RBM7: variants seen among roughly 807,000 people sequenced by gnomAD.
The protein encoded by RBM7 is RNA binding motif protein 7, also known as RNA-binding protein 7.
In RBM7, 13 loss-of-function variants were observed where a neutral mutation model predicts 31.0. The ratio of observed to expected loss-of-function variants is 0.42; its 90% CI spans 0.27 to 0.67. RBM7 has a LOEUF of 0.67. Ranked by LOEUF, RBM7 falls within the 30% of genes least tolerant of loss-of-function variation. RBM7 has a pLI of 0.24. For synonymous variants in RBM7, 106 were observed against 111.2 expected (o/e 0.95, Z 0.30); for missense variants, 245 against 326.2 (o/e 0.75, Z 1.92).
chr11:114,401,306 C>T (rs1946196971), intron 1 of RBM7, among the ~76,000 whole-genome samples: 1 of 152,128 alleles, frequency 6.6e-6, no homozygotes, highest in East Asian at 1.9e-4. Flanking sequence ...TTCCCCCCAT[C>T]CCTATCCCCT....
Position 114,408,448 on chromosome 11 carries a change from T to C in RBM7, c.*641T>C, listed in dbSNP as rs1202462881. The C allele has an allele frequency of 6.5e-6, 1 of 152,752 alleles. No individual in the cohort carries two copies. The highest frequency in any genetic ancestry group is 1.9e-4 in the East Asian group (1 of 5,336). The allele number at this position is 152,752 out of a possible 1,614,324, so 9.5% of individuals were successfully genotyped here. ...TTGAGGTATAAGTCACTCAGGAAGT[T>C]AAAATATCTCTACACGTATATTTTT... is the stretch of plus-strand genomic sequence containing the variant. On this transcript the variant is annotated 3_prime_UTR_variant, in exon 5 of 5. Coordinates refer to ENST00000375490, the MANE Select transcript of RBM7 (RefSeq NM_001286045.2).
At chr11:114,405,644 T>C in intron 3 of RBM7, 62 bp from the exon 4 acceptor site, 2 of 1,187,460 alleles carry the variant, frequency 1.7e-6, no homozygotes, top group Non-Finnish European at 2.4e-6. Context: ...TGTGTTCTGC[T>C]CATGGTTGTT....
intron 2 of RBM7, among the ~76,000 whole-genome samples, chr11:114,402,625 G>A (rs928226255): frequency 6.6e-6 from 1 of 151,704 alleles, no homozygotes; most frequent in African/African-American, 2.4e-5. Flanking sequence ...GGCTGGTCTC[G>A]AACTCCTGGC....
At chr11:114,401,952 C>G in intron 2 of RBM7, 92 bp downstream of exon 2, 1 of 1,332,918 alleles carries the variant, frequency 7.5e-7, no homozygotes, top group South Asian at 1.5e-5. Context: ...GTAGATGAAA[C>G]TTCTTTCTTA....
rs71063570 is a variant in RBM7, at chr11:114,402,382, C to CTTTTTTTTTTTTT, written c.260-419_260-407dup. ...AAGCGGTCTACAGCAGCTTGAGATT[C>CTTTTTTTTTTTTT]TTTTTTTTTTTTTTTTTTTTTTTTT... On this transcript the variant is annotated intron_variant, in intron 2 of 4. Coordinates refer to ENST00000375490, the MANE Select transcript of RBM7 (RefSeq NM_001286045.2). Among the ~76,000 whole-genome samples, 3 of 50,162 alleles carry CTTTTTTTTTTTTT rather than the reference C, an allele frequency of 6.0e-5. 1 individual carries two copies. Among genetic ancestry groups the CTTTTTTTTTTTTT allele is most frequent in the Admixed American group, 3.0e-4 (1 of 3,288 alleles). The allele number at this position is 50,162 out of a possible 152,430, so 32.9% of individuals were successfully genotyped here.
intron 3 of RBM7, among the ~76,000 whole-genome samples, chr11:114,404,818 C>A (rs967500451): frequency 7.9e-5 from 12 of 152,080 alleles, no homozygotes; most frequent in Admixed American, 7.9e-4. Flanking sequence ...TTTGAAAAAA[C>A]GCAAAATTAA....
intron 3 of RBM7, among the ~76,000 whole-genome samples, chr11:114,405,038 C>T (rs1852896286): frequency 6.6e-6 from 1 of 151,990 alleles, no homozygotes; most frequent in Non-Finnish European, 1.5e-5. Flanking sequence ...TCTTTTTTGT[C>T]TCGGGAAATA....
rs752075123 is a variant in RBM7 at position 114,401,678 on chromosome 11, A to T, written c.97-20A>T. 65 of 1,477,648 alleles carry T rather than the reference A, an allele frequency of 4.4e-5. No individual in the cohort carries two copies. The highest frequency in any genetic ancestry group is 5.8e-5 in the Non-Finnish European group (65 of 1,114,672). 91.5% of individuals were successfully genotyped at this position (1,477,648 alleles called of 1,614,324 possible). On this transcript the variant is annotated intron_variant, in intron 1 of 4. Transcript: ENST00000375490. ...CCCTTAGTTGCTTTATTTAAATTCT[A>T]AACACCTTTTTGTTTGTAGGCTGGG...
chr11:114,405,046 A>G (rs1265331127), intron 3 of RBM7, among the ~76,000 whole-genome samples: 4 of 152,162 alleles, frequency 2.6e-5, no homozygotes, highest in Non-Finnish European at 5.9e-5. Flanking sequence ...GTCTCGGGAA[A>G]TATCTACCTA....
Position 114,409,331 on chromosome 11 carries a change from A to G in RBM7, c.*1524A>G, listed in dbSNP as rs1340483399. 1 of 152,040 alleles carries G rather than the reference A, an allele frequency of 6.6e-6. No homozygotes were observed. The highest frequency in any genetic ancestry group is 2.4e-5 in the African/African-American group (1 of 41,412). 9.4% of individuals were successfully genotyped at this position (152,040 alleles called of 1,614,324 possible). A position where few individuals can be genotyped will look rare whatever the true frequency, so the allele number is the denominator to read the frequency against. ...TATCTTATCCATATGAAAACTTAGT[A>G]GGTTTGTAGATGTTAACGAAGATTA... On this transcript the variant is annotated 3_prime_UTR_variant, in exon 5 of 5. Coordinates refer to ENST00000375490, the MANE Select transcript of RBM7 (RefSeq NM_001286045.2).
rs1946205479 is a variant in RBM7, at chr11:114,401,782, G to A, written c.181G>A (p.Val61Met). 1 of 1,587,740 alleles carries A rather than the reference G, an allele frequency of 6.3e-7. No homozygotes were observed. Among genetic ancestry groups the A allele is most frequent in the Non-Finnish European group, 8.5e-7 (1 of 1,170,732 alleles). Residue 61 changes from valine (V) to methionine (M), a missense_variant, in exon 2 of 5, where the codon GTG becomes ATG. Coordinates refer to ENST00000375490, the MANE Select transcript of RBM7 (RefSeq NM_001286045.2). ...QFAFVNFKHE[V>M]SVPYAMNLLN... is the part of the protein sequence containing the mutation. ...TGCGTTTGTGAATTTCAAACATGAAGTGTCTGTTCCTTATGCAATGAATCT... is the reference window on the plus strand; with the variant it reads ...TGCGTTTGTGAATTTCAAACATGAAATGTCTGTTCCTTATGCAATGAATCT...
chr11:114,400,907 C>T, intron 1 of RBM7, 140 bp downstream of exon 1: 2 of 880,628 alleles, frequency 2.3e-6, no homozygotes, highest in East Asian at 2.7e-5. Context: ...GTCTGGGTTG[C>T]GAAACGCTCG....
In RBM7 at chr11:114,408,732, A is replaced by G. The variant is rs1946300881; in HGVS notation, c.*925A>G. ...TTGTTTGAACCTTTGAAAGAGTTTAATCTTAACGTTTTCTAATTTTAAAAT... is the reference window on the plus strand; with the variant it reads ...TTGTTTGAACCTTTGAAAGAGTTTAGTCTTAACGTTTTCTAATTTTAAAAT... On this transcript the variant is annotated 3_prime_UTR_variant, in exon 5 of 5. Coordinates refer to ENST00000375490, the MANE Select transcript of RBM7 (RefSeq NM_001286045.2). 1 of 152,216 alleles carries G rather than the reference A, an allele frequency of 6.6e-6. No individual in the cohort carries two copies. Among genetic ancestry groups the G allele is most frequent in the African/African-American group, 2.4e-5 (1 of 41,448 alleles). 9.4% of individuals were successfully genotyped at this position (152,216 alleles called of 1,614,324 possible).
rs772446767 is a variant in RBM7 at position 114,402,935 on chromosome 11, G to A, written c.347+20G>A. On this transcript the variant is annotated intron_variant, in intron 3 of 4. Coordinates refer to ENST00000375490, the MANE Select transcript of RBM7 (RefSeq NM_001286045.2). ...TAGCAGGTAATATTTCTCACTTATT[G>A]TTAAGATCATTTATCAGGAATTCTT... 6.4e-7 allele frequency: 1 copy of A among 1,564,396 alleles called. No individual in the cohort carries two copies. Among genetic ancestry groups the A allele is most frequent in the Non-Finnish European group, 8.8e-7 (1 of 1,135,094 alleles).
chr11:114,408,099 A>G lies in RBM7; in HGVS notation c.*292A>G, dbSNP rs1946291172. 1 of 192,130 alleles carries G rather than the reference A, an allele frequency of 5.2e-6. No homozygotes were observed. The highest frequency in any genetic ancestry group is 1.9e-4 in the South Asian group (1 of 5,400). 11.9% of individuals were successfully genotyped at this position (192,130 alleles called of 1,614,324 possible). ...GGGGTGAAGTTGTATGATAAAGCAGATATTTTAATTATTTGTTATCTTTTT... is the reference window on the plus strand; with the variant it reads ...GGGGTGAAGTTGTATGATAAAGCAGGTATTTTAATTATTTGTTATCTTTTT... On this transcript the variant is annotated 3_prime_UTR_variant, in exon 5 of 5. Coordinates refer to ENST00000375490, the MANE Select transcript of RBM7 (RefSeq NM_001286045.2).
At position 114,404,715 on chromosome 11, in the gene RBM7, C is replaced by T. The variant is rs143766467; in HGVS notation, c.348-991C>T. Among the ~76,000 whole-genome samples, 343 of 150,914 alleles carry T rather than the reference C, an allele frequency of 2.3e-3. 1 individual carries two copies. The highest frequency in any genetic ancestry group is 7.8e-3 in the African/African-American group (321 of 41,050). On this transcript the variant is annotated intron_variant, in intron 3 of 4. Transcript: ENST00000375490. ...GAAAAAAAAAAAGTACAAGTAAATA[C>T]TTTGGTTTTAATCAAAGGCTAGAGA...
At chr11:114,402,382 C>CTTTTTCTTTTTTTTT (rs1946215146) in intron 2 of RBM7, among the ~76,000 whole-genome samples, 1 of 50,126 alleles carries the variant, frequency 2.0e-5, no homozygotes, top group African/African-American at 6.9e-5. Context: ...GCTTGAGATT[C>CTTTTTCTTTTTTTTT]TTTTTTTTTT....
At chr11:114,405,820 C>A in intron 4 of RBM7, 21 bp downstream of exon 4, 2 of 1,448,088 alleles carry the variant, frequency 1.4e-6, no homozygotes, top group Non-Finnish European at 1.9e-6. Context: ...TATTTTTCAA[C>A]TTGAATTGCC....
At position 114,407,596 on chromosome 11, in the gene RBM7, A is replaced by G. The variant is rs1278240694; in HGVS notation, c.593A>G (p.Gln198Arg). The change falls in exon 5 of 5, where the codon CAG (glutamine) becomes CGG (arginine). Residue 198 changes from glutamine to arginine, a missense_variant. Coordinates refer to ENST00000375490, the MANE Select transcript of RBM7 (RefSeq NM_001286045.2). The stretch of plus-strand genomic sequence containing the variant: ...TGGCGCCAAGGTACACCATCATCAC[A>G]GCGTAAAGTCAGAATGAATTCTTAT... The part of the protein sequence containing the change: ...SQWRQGTPSS[Q>R]RKVRMNSYPY... The G allele has an allele frequency of 1.6e-5, 26 of 1,614,190 alleles. No homozygotes were observed. The highest frequency in any genetic ancestry group is 2.2e-5 in the East Asian group (1 of 44,882).
Sources: allele counts gnomAD v4.1 joint callset (sites outside exome capture counted in the v4.1 genomes callset), GRCh38; gene constraint gnomAD v4.1.1; transcripts MANE v1.5; gene names NCBI Gene and HGNC (gene_info 2026-07-23, HGNC 2026-07-21).